SAYSD1: variants seen among roughly 807,000 people sequenced by gnomAD.
SAYSD1 encodes the protein SAYSVFN motif domain containing 1.
SAYSD1 carries 15 observed loss-of-function variants against 14.5 expected under a neutral mutation model. The observed-to-expected ratio is 1.03, with a 90% CI of 0.69 to 1.59. The LOEUF is 1.59. Among genes scored for constraint, SAYSD1 ranks in the 40% most tolerant of loss-of-function variants. The probability of loss-of-function intolerance (pLI) is 0.00; values close to 1 mark genes in which losing one functional copy is unlikely to be tolerated. For missense variants in SAYSD1, 247 were observed against 227.3 expected (o/e 1.09, Z -0.56); for synonymous variants, 105 against 102.6 (o/e 1.02, Z -0.14).
Position 39,105,292 on chromosome 6 carries a change from G to A in SAYSD1, c.*140C>T. ...AAGATCAAATGGCAGCAAAAGATCA[G>A]GGAAAGAAGGTAGAAAAACTATGCA... On this transcript the variant is annotated 3_prime_UTR_variant, in exon 2 of 2. Coordinates refer to ENST00000229903, the MANE Select transcript of SAYSD1 (RefSeq NM_018322.3). The A allele has an allele frequency of 1.5e-6, 1 of 673,888 alleles. No homozygotes were observed. The highest frequency in any genetic ancestry group is 2.5e-6 in the Non-Finnish European group (1 of 396,996). The allele number at this position is 673,888 out of a possible 1,614,324, so 41.7% of individuals were successfully genotyped here.
intron 1 of SAYSD1, chr6:39,111,170 T>C (rs1445397122): frequency 2.0e-5 from 3 of 151,898 alleles, no homozygotes; most frequent in Non-Finnish European, 4.4e-5. Context: ...AAAAAATATA[T>C]AGTAAATGGA....
chr6:39,111,870 A>G (rs1443149287), intron 1 of SAYSD1: 1 of 152,254 alleles, frequency 6.6e-6, no homozygotes, highest in Non-Finnish European at 1.5e-5. Flanking sequence ...GTCACAGTTC[A>G]ATATCAAAAA....
chr6:39,111,716 TG>T (rs904790660), intron 1 of SAYSD1: 9 of 152,182 alleles, frequency 5.9e-5, no homozygotes, highest in South Asian at 2.1e-4. Flanking sequence ...CGTATCCTAA[TG>T]GAAGTCCAGA....
At position 39,115,041 on chromosome 6, in the gene SAYSD1, G is replaced by A. The variant is rs1398015287; in HGVS notation, c.49C>T (p.Leu17=). ...EFRAARKRAG[L]AAQPPAASQG... Reference sequence around the variant, plus strand: ...CTGGCAGCAGGGGGTTGGGCCGCCAGACCCGCCCGTTTCCGCGCCGCCCGA... The same window carrying A: ...CTGGCAGCAGGGGGTTGGGCCGCCAAACCCGCCCGTTTCCGCGCCGCCCGA... Residue 17 remains leucine, a synonymous_variant, in exon 1 of 2, where the codon CTG becomes TTG. Coordinates refer to ENST00000229903, the MANE Select transcript of SAYSD1 (RefSeq NM_018322.3). 1.9e-6 allele frequency: 3 copies of A among 1,611,988 alleles called. No homozygotes were observed. Among genetic ancestry groups the A allele is most frequent in the African/African-American group, 2.7e-5 (2 of 74,944 alleles).
At chr6:39,109,517 G>A in intron 1 of SAYSD1, 1 of 1,460,436 alleles carries the variant, frequency 6.8e-7, no homozygotes, top group South Asian at 1.4e-5. Context: ...TGGCCCAAAT[G>A]GAGGCCGCAG....
chr6:39,115,119 A>G lies in SAYSD1; in HGVS notation c.-30T>C. The G allele has an allele frequency of 1.3e-6, 2 of 1,584,646 alleles. No individual in the cohort carries two copies. The highest frequency in any genetic ancestry group is 8.5e-7 in the Non-Finnish European group (1 of 1,169,792). ...CGCGCCTCGCGTCCGTTGGCCGATAAGGGAGCGCGCGCCCGCAGGCCGCAC... is the reference window on the plus strand; with the variant it reads ...CGCGCCTCGCGTCCGTTGGCCGATAGGGGAGCGCGCGCCCGCAGGCCGCAC... On this transcript the variant is annotated 5_prime_UTR_variant, in exon 1 of 2. Transcript: ENST00000229903.
chr6:39,110,538 A>G (rs1769605729), intron 1 of SAYSD1: 1 of 152,360 alleles, frequency 6.6e-6, no homozygotes, highest in Non-Finnish European at 1.5e-5. Flanking sequence ...AATGCACTAC[A>G]CTATGCTGTG....
chr6:39,106,145 T>G (rs1769498476), intron 1 of SAYSD1, among the ~76,000 whole-genome samples: 1 of 152,020 alleles, frequency 6.6e-6, no homozygotes, highest in African/African-American at 2.4e-5. Flanking sequence ...AAATACAGAG[T>G]CAATATACCT....
intron 1 of SAYSD1, chr6:39,111,808 T>C (rs528722282): frequency 6.6e-6 from 1 of 152,112 alleles, no homozygotes; most frequent in Non-Finnish European, 1.5e-5. Flanking sequence ...ATAAGAAATA[T>C]GAAAACTGAG....
Position 39,115,045 on chromosome 6 carries a change from C to G in SAYSD1, c.45G>C (p.Ala15=). 4.3e-6 allele frequency: 7 copies of G among 1,611,406 alleles called. No homozygotes were observed. Among genetic ancestry groups the G allele is most frequent in the Non-Finnish European group, 5.1e-6 (6 of 1,179,836 alleles). ...LAEFRAARKR[A]GLAAQPPAAS... is the part of the protein sequence containing the mutation. ...CAGCAGGGGGTTGGGCCGCCAGACC[C>G]GCCCGTTTCCGCGCCGCCCGAAACT... The change falls in exon 1 of 2, where the codon GCG becomes GCC. Residue 15 remains alanine, a synonymous_variant. Coordinates refer to ENST00000229903, the MANE Select transcript of SAYSD1 (RefSeq NM_018322.3).
In SAYSD1 at chr6:39,105,532, G is replaced by A. The variant is rs371023354; in HGVS notation, c.452C>T (p.Ala151Val). ...PEEKKEGEKS[A>V]YSVFNPGCEA... is the part of the protein sequence containing the mutation. Reference sequence around the variant, plus strand: ...ACAGCCTGGATTGAACACAGAGTAGGCGCTCTTCTCTCCCTCTTTCTTCTC... The same window carrying A: ...ACAGCCTGGATTGAACACAGAGTAGACGCTCTTCTCTCCCTCTTTCTTCTC... The change falls in exon 2 of 2, where the codon GCC becomes GTC. Residue 151 changes from alanine to valine, a missense_variant. Physicochemically the swap from Ala to Val is moderately conservative, Grantham distance 64. Coordinates refer to ENST00000229903, the MANE Select transcript of SAYSD1 (RefSeq NM_018322.3). 127 of 1,614,126 alleles carry A rather than the reference G, an allele frequency of 7.9e-5. No homozygotes were observed. Among genetic ancestry groups the A allele is most frequent in the Admixed American group, 1.2e-4 (7 of 60,010 alleles).
intron 1 of SAYSD1, among the ~76,000 whole-genome samples, chr6:39,114,658 T>C (rs1769698750): frequency 6.6e-6 from 1 of 152,216 alleles, no homozygotes; most frequent in South Asian, 2.1e-4. Context: ...CCCTCGACTC[T>C]CGCTGGAATC....
intron 1 of SAYSD1, chr6:39,109,788 C>T (rs187334122): frequency 3.9e-5 from 7 of 180,692 alleles, no homozygotes; most frequent in Admixed American, 2.6e-4. Flanking sequence ...ATGGCTGAAG[C>T]ATATTCCATA....
rs1769717518 is a variant in SAYSD1 at position 39,115,045 on chromosome 6, C to A, written c.45G>T (p.Ala15=). Residue 15 remains alanine, a synonymous_variant, in exon 1 of 2, where the codon GCG becomes GCT. Coordinates refer to ENST00000229903, the MANE Select transcript of SAYSD1 (RefSeq NM_018322.3). ...LAEFRAARKR[A]GLAAQPPAAS... ...CAGCAGGGGGTTGGGCCGCCAGACCCGCCCGTTTCCGCGCCGCCCGAAACT... is the reference window on the plus strand; with the variant it reads ...CAGCAGGGGGTTGGGCCGCCAGACCAGCCCGTTTCCGCGCCGCCCGAAACT... The A allele has an allele frequency of 6.2e-7, 1 of 1,611,290 alleles. No individual in the cohort carries two copies. Among genetic ancestry groups the A allele is most frequent in the Non-Finnish European group, 8.5e-7 (1 of 1,179,844 alleles).
chr6:39,110,602 T>C (rs549883409), intron 1 of SAYSD1: 2 of 152,326 alleles, frequency 1.3e-5, no homozygotes, highest in South Asian at 4.1e-4. Context: ...ATGTGAATAC[T>C]GAAGTGCTGA....
In SAYSD1 at chr6:39,115,081, C is replaced by G. The variant is rs1053949946; in HGVS notation, c.9G>C (p.Gln3His). The G allele has an allele frequency of 6.2e-7, 1 of 1,605,972 alleles. No homozygotes were observed. The highest frequency in any genetic ancestry group is 1.3e-5 in the African/African-American group (1 of 75,046). ME[Q>H]RLAEFRAARK... Reference sequence around the variant, plus strand: ...GCGCCGCCCGAAACTCAGCTAACCGCTGTTCCATGGCGCGCGCCTCGCGTC... The same window carrying G: ...GCGCCGCCCGAAACTCAGCTAACCGGTGTTCCATGGCGCGCGCCTCGCGTC... The change falls in exon 1 of 2, where the codon CAG becomes CAC. Residue 3 changes from glutamine to histidine, a missense_variant. Gln to His is a conservative substitution (Grantham distance 24). Transcript: ENST00000229903.
chr6:39,114,807 C>T, intron 1 of SAYSD1, 76 bp downstream of exon 1: 4 of 1,472,600 alleles, frequency 2.7e-6, no homozygotes, highest in Non-Finnish European at 3.7e-6. Context: ...TAGGGCCACA[C>T]CCCCGGCAGC....
chr6:39,106,819 G>T (rs1305160957), intron 1 of SAYSD1, among the ~76,000 whole-genome samples: 7 of 152,220 alleles, frequency 4.6e-5, no homozygotes, highest in Non-Finnish European at 2.9e-5. Flanking sequence ...TTGTTCAACA[G>T]ATTGAAATGC....
At chr6:39,109,313 C>T (rs1204793237) in intron 1 of SAYSD1, 1 of 1,550,834 alleles carries the variant, frequency 6.4e-7, no homozygotes, top group East Asian at 2.4e-5. Flanking sequence ...TTAAAAGTTA[C>T]CAGCATTTTT....
Sources: gnomAD v4.1 joint callset for allele counts (sites outside exome capture counted in the v4.1 genomes callset) on GRCh38, gnomAD v4.1.1 for gene constraint, MANE v1.5 for transcripts, NCBI Gene and HGNC (gene_info 2026-07-23, HGNC 2026-07-21) for gene names.